FAM13C: variants seen among roughly 807,000 people sequenced by gnomAD.
FAM13C encodes the protein protein FAM13C.
FAM13C carries 37 observed loss-of-function variants against 73.2 expected under a neutral mutation model. The observed-to-expected ratio is 0.51, with a 90% CI of 0.39 to 0.67. The LOEUF is 0.67. FAM13C is among the 30% of genes least tolerant of loss of function. FAM13C has a pLI of 0.00. For missense variants in FAM13C, 589 were observed against 715.6 expected, an observed-to-expected ratio of 0.82 and a Z score of 2.02; for synonymous variants, 246 against 260.9, an observed-to-expected ratio of 0.94 and a Z score of 0.55.
intron 6 of FAM13C, among the ~76,000 whole-genome samples, chr10:59,270,643 T>C (rs13377143): frequency 1.7e-4 from 26 of 152,126 alleles, no homozygotes; most frequent in Admixed American, 5.9e-4. Context: ...TCTGCTTATC[T>C]ACAAGGAATG....
intron 2 of FAM13C, among the ~76,000 whole-genome samples, chr10:59,353,736 G>A (rs1443381285): frequency 1.3e-5 from 2 of 152,200 alleles, no homozygotes; most frequent in Non-Finnish European, 2.9e-5. Flanking sequence ...TGACCAGGGT[G>A]CAGTTGGACA....
intron 6 of FAM13C, among the ~76,000 whole-genome samples, chr10:59,278,273 G>A (rs1393347590): frequency 6.6e-6 from 1 of 152,142 alleles, no homozygotes; most frequent in Non-Finnish European, 1.5e-5. Flanking sequence ...CATATCACCA[G>A]TTACATCTCC....
intron 4 of FAM13C, among the ~76,000 whole-genome samples, chr10:59,306,765 C>T (rs890582880): frequency 6.6e-6 from 1 of 152,170 alleles, no homozygotes; most frequent in African/African-American, 2.4e-5. Context: ...ATCCCAGCTA[C>T]TCAGGAGGCT....
intron 3 of FAM13C, among the ~76,000 whole-genome samples, chr10:59,335,700 C>T (rs1206632830): frequency 6.6e-6 from 1 of 152,174 alleles, no homozygotes; most frequent in Non-Finnish European, 1.5e-5. Context: ...TTTCTATGGC[C>T]TACATTGTGT....
intron 4 of FAM13C, among the ~76,000 whole-genome samples, chr10:59,313,108 G>C (rs11813937): frequency 0.13 from 19,072 of 152,160 alleles, 1,278 homozygotes; most frequent in South Asian, 0.16. Context: ...AAAACTTGAG[G>C]GGGAATGAAA....
chr10:59,268,837 G>A, intron 7 of FAM13C, 146 bp from the exon 8 acceptor site: 1 of 897,272 alleles, frequency 1.1e-6, no homozygotes, highest in East Asian at 2.7e-5. Context: ...GGTAGCATCT[G>A]CTCATTAATG....
At chr10:59,281,686 A>G (rs1844937516) in intron 6 of FAM13C, among the ~76,000 whole-genome samples, 1 of 152,214 alleles carries the variant, frequency 6.6e-6, no homozygotes, top group Admixed American at 6.5e-5. Context: ...TCATTTTATA[A>G]CAAGTGATAA....
chr10:59,345,869 C>G (rs972006732), intron 3 of FAM13C, among the ~76,000 whole-genome samples: 3 of 152,170 alleles, frequency 2.0e-5, no homozygotes, highest in Non-Finnish European at 2.9e-5. Context: ...CTAAATCATG[C>G]ATGAGAAATA....
chr10:59,346,076 A>G (rs1278220490), intron 3 of FAM13C, among the ~76,000 whole-genome samples: 1 of 152,186 alleles, frequency 6.6e-6, no homozygotes, highest in Non-Finnish European at 1.5e-5. Flanking sequence ...TTCAAAGTCA[A>G]TAAGCTGTAC....
At position 59,283,381 on chromosome 10, in the gene FAM13C, C is replaced by A. The variant is rs756011263; in HGVS notation, c.574G>T (p.Asp192Tyr). Residue 192 changes from aspartate to tyrosine, a missense_variant, in exon 6 of 14, where the codon GAT becomes TAT. Asp to Tyr is a radical substitution (Grantham distance 160). Transcript: ENST00000618804. ...ATCTTACCTGCAGAATCTGTCCCAT[C>A]GGCAAGCACGCTCTGGGTTGATGCT... The part of the protein sequence containing the change: ...APASTQSVLA[D>Y]GTDSADPSPV... The A allele has an allele frequency of 6.2e-7, 1 of 1,614,056 alleles. No homozygotes were observed. Among genetic ancestry groups the A allele is most frequent in the Non-Finnish European group, 8.5e-7 (1 of 1,180,028 alleles).
chr10:59,322,212 A>T (rs1564581039), intron 4 of FAM13C, among the ~76,000 whole-genome samples: 1 of 152,148 alleles, frequency 6.6e-6, no homozygotes, highest in Non-Finnish European at 1.5e-5. Context: ...GGATTTTTTT[A>T]AAGTTCCATT....
At chr10:59,251,768 T>C in intron 12 of FAM13C, 92 bp from the exon 13 acceptor site, 1 of 976,714 alleles carries the variant, frequency 1.0e-6, no homozygotes, top group Non-Finnish European at 1.5e-6. Context: ...AAAAAGCATC[T>C]ATGATTGAAA....
intron 6 of FAM13C, 97 bp downstream of exon 6, chr10:59,283,266 C>T (rs1197784837): frequency 1.1e-5 from 14 of 1,311,434 alleles, no homozygotes; most frequent in Non-Finnish European, 1.3e-5. Flanking sequence ...GCCCCAGGCA[C>T]TGTTTTCCCT....
At chr10:59,318,423 T>C (rs938355061) in intron 4 of FAM13C, among the ~76,000 whole-genome samples, 9 of 152,124 alleles carry the variant, frequency 5.9e-5, no homozygotes, top group Non-Finnish European at 8.8e-5. Context: ...CAGGAGCTCG[T>C]ATTCTTTAGC....
At chr10:59,316,058 C>A (rs1010661316) in intron 4 of FAM13C, among the ~76,000 whole-genome samples, 6 of 151,994 alleles carry the variant, frequency 3.9e-5, no homozygotes, top group Non-Finnish European at 7.4e-5. Flanking sequence ...GCCTCCCAAG[C>A]AGCTGGGATT....
intron 13 of FAM13C, among the ~76,000 whole-genome samples, chr10:59,249,034 G>T (rs1261450922): frequency 3.9e-5 from 6 of 152,142 alleles, no homozygotes; most frequent in Non-Finnish European, 8.8e-5. Flanking sequence ...TAAAGAAATT[G>T]TCTAATTATT....
intron 4 of FAM13C, among the ~76,000 whole-genome samples, chr10:59,309,862 G>A (rs900251136): frequency 2.0e-5 from 3 of 152,146 alleles, no homozygotes; most frequent in Non-Finnish European, 2.9e-5. Flanking sequence ...TGTAAATAAC[G>A]TATTCATCCT....
chr10:59,247,314 T>C lies in FAM13C; in HGVS notation c.*300A>G. On this transcript the variant is annotated 3_prime_UTR_variant, in exon 14 of 14. Coordinates refer to ENST00000618804, the MANE Select transcript of FAM13C (RefSeq NM_198215.4). ...CTAACAAGTGTCCTAGCTATGTTAT[T>C]TAGATTTGATAAAATATTAGACATT... 1 of 312,100 alleles carries C rather than the reference T, an allele frequency of 3.2e-6. No individual in the cohort carries two copies. Among genetic ancestry groups the C allele is most frequent in the South Asian group, 4.0e-5 (1 of 25,100 alleles). The allele number at this position is 312,100 out of a possible 1,614,324, so 19.3% of individuals were successfully genotyped here. A position where few individuals can be genotyped will look rare whatever the true frequency, so the allele number is the denominator to read the frequency against.
chr10:59,362,098 T>C (rs1856488149), intron 1 of FAM13C, among the ~76,000 whole-genome samples: 1 of 152,202 alleles, frequency 6.6e-6, no homozygotes, highest in Non-Finnish European at 1.5e-5. Context: ...CAAAGCTTCC[T>C]AACACATCAA....
Sources: gnomAD v4.1 joint callset for allele counts (sites outside exome capture counted in the v4.1 genomes callset) on GRCh38, gnomAD v4.1.1 for gene constraint, MANE v1.5 for transcripts, NCBI Gene and HGNC (gene_info 2026-07-23, HGNC 2026-07-21) for gene names.